SMARCAD1: variants seen among roughly 807,000 people sequenced by gnomAD.
The protein encoded by SMARCAD1 is SWI/SNF-related matrix-associated actin-dependent regulator of chromatin subfamily A containing DEAD/H box 1.
In SMARCAD1, 25 loss-of-function variants were observed where a neutral mutation model predicts 127.1. That is an observed-to-expected ratio of 0.20 (90% CI 0.14 to 0.27). The LOEUF (loss-of-function observed/expected upper bound fraction) is 0.27, where lower values mean the gene tolerates loss of function less well. Among genes scored for constraint, SMARCAD1 ranks in the 10% least tolerant of loss-of-function variants. The pLI is 1.00. For synonymous variants in SMARCAD1, 400 were observed against 396.9 expected, an observed-to-expected ratio of 1.01 and a Z score of -0.09; for missense variants, 807 against 1,206.0, an observed-to-expected ratio of 0.67 and a Z score of 4.90.
At chr4:94,260,763 C>T (rs1176811176) in intron 9 of SMARCAD1, among the ~76,000 whole-genome samples, 1 of 152,124 alleles carries the variant, frequency 6.6e-6, no homozygotes, top group Non-Finnish European at 1.5e-5. Context: ...TTATTCTTTC[C>T]TTTAATTTTC....
rs781325397 is a variant in SMARCAD1 at position 94,252,743 on chromosome 4, C to T, written c.1017C>T (p.Gly339=). The T allele has an allele frequency of 1.2e-5, 19 of 1,605,784 alleles. No homozygotes were observed. The highest frequency in any genetic ancestry group is 6.7e-5 in the East Asian group (3 of 44,772). Residue 339 remains glycine (G), a synonymous_variant, in exon 9 of 24, where the codon GGC becomes GGT. Transcript: ENST00000354268. ...AATTTTCAATGAAAGCACAAAATGG[C>T]TTTAACAAGAAACGTAAAAAAAATG... ...KQKFSMKAQN[G]FNKKRKKNVF...
chr4:94,217,621 T>C (rs1471687904), intron 2 of SMARCAD1, among the ~76,000 whole-genome samples: 2 of 152,174 alleles, frequency 1.3e-5, no homozygotes, highest in African/African-American at 4.8e-5. Flanking sequence ...ATTTCTTCTT[T>C]GGGGGAAATT....
chr4:94,286,216 T>G (rs1754917534), intron 23 of SMARCAD1, among the ~76,000 whole-genome samples: 2 of 152,104 alleles, frequency 1.3e-5, no homozygotes, highest in African/African-American at 4.8e-5. Flanking sequence ...GAGGGAGGTT[T>G]GTTCTCTTAT....
intron 6 of SMARCAD1, among the ~76,000 whole-genome samples, chr4:94,248,801 A>T (rs1185210041): frequency 1.3e-5 from 2 of 152,154 alleles, no homozygotes; most frequent in African/African-American, 4.8e-5. Flanking sequence ...TGTGCAGAGG[A>T]GGTATCAGAA....
intron 4 of SMARCAD1, 43 bp downstream of exon 4, chr4:94,234,165 T>A: frequency 3.3e-6 from 5 of 1,526,204 alleles, no homozygotes; most frequent in Non-Finnish European, 4.5e-6. Flanking sequence ...TGATAAAATC[T>A]CTCCTGCATT....
chr4:94,230,786 G>T (rs1028786533), intron 3 of SMARCAD1, among the ~76,000 whole-genome samples: 2 of 152,148 alleles, frequency 1.3e-5, no homozygotes, highest in Non-Finnish European at 2.9e-5. Context: ...AGAAAGAACT[G>T]AAGGCAGAAT....
Position 94,278,732 on chromosome 4 carries a change from G to A in SMARCAD1, c.2295G>A (p.Leu765=). The A allele has an allele frequency of 1.2e-6, 2 of 1,612,998 alleles. No individual in the cohort carries two copies. The highest frequency in any genetic ancestry group is 8.5e-7 in the Non-Finnish European group (1 of 1,179,134). ...FNRLKKSINN[L]EKNTEMCNVM... ...GATTGAAAAAATCTATCAATAACTT[G>A]GGTATAATCTGATTTTTACTCTTTT... is the stretch of plus-strand genomic sequence containing the variant. Residue 765 remains leucine (L), a splice_region_variant and synonymous_variant, in exon 18 of 24, where the codon TTG becomes TTA. Coordinates refer to ENST00000354268, the MANE Select transcript of SMARCAD1 (RefSeq NM_020159.5).
At chr4:94,251,321 G>C (rs1005672965) in intron 8 of SMARCAD1, among the ~76,000 whole-genome samples, 20 of 152,182 alleles carry the variant, frequency 1.3e-4, no homozygotes, top group Non-Finnish European at 7.3e-5. Context: ...AGGTGGTAAG[G>C]AAGAGTTGAG....
At chr4:94,266,604 G>A (rs1013623107) in intron 10 of SMARCAD1, among the ~76,000 whole-genome samples, 1 of 151,954 alleles carries the variant, frequency 6.6e-6, no homozygotes, top group African/African-American at 2.4e-5. Flanking sequence ...TTTTTACTTG[G>A]TGTACTGGCC....
chr4:94,274,652 A>G, intron 12 of SMARCAD1, 86 bp from the exon 13 acceptor site: 1 of 1,228,688 alleles, frequency 8.1e-7, no homozygotes, highest in South Asian at 1.2e-5. Flanking sequence ...ATTTCTGAGT[A>G]GCACTTGTCA....
chr4:94,208,099 C>T, intron 1 of SMARCAD1, 29 bp downstream of exon 1: 1 of 540,912 alleles, frequency 1.8e-6, no homozygotes, highest in East Asian at 4.6e-5. Context: ...AGGGTCAGCT[C>T]GTGGTTTCAG....
chr4:94,249,869 T>G (rs1749017130), intron 7 of SMARCAD1, 114 bp downstream of exon 7: 1 of 683,300 alleles, frequency 1.5e-6, no homozygotes, highest in Non-Finnish European at 2.7e-6. Context: ...TTCTTCTAAT[T>G]AAATGTTCTC....
chr4:94,236,544 CCT>C (rs750942735), intron 4 of SMARCAD1, among the ~76,000 whole-genome samples: 2 of 152,140 alleles, frequency 1.3e-5, no homozygotes, highest in Non-Finnish European at 2.9e-5. Context: ...CTGTCAGTCT[CCT>C]CTTTCCCCTT....
chr4:94,208,174 T>C, intron 1 of SMARCAD1, 104 bp downstream of exon 1: 1 of 689,808 alleles, frequency 1.4e-6, no homozygotes, highest in Admixed American at 2.0e-5. Flanking sequence ...TTTTAAAAGA[T>C]ACCCCCGTCC....
chr4:94,237,126 T>TA, intron 5 of SMARCAD1, 108 bp downstream of exon 5: 1 of 941,856 alleles, frequency 1.1e-6, no homozygotes, highest in Non-Finnish European at 1.7e-6. Flanking sequence ...TATGAATTCT[T>TA]ACAGGAATTT....
chr4:94,270,386 C>G (rs568481633), intron 10 of SMARCAD1, among the ~76,000 whole-genome samples: 22 of 152,110 alleles, frequency 1.4e-4, no homozygotes, highest in African/African-American at 5.3e-4. Flanking sequence ...ATCAAATCAA[C>G]ACAATTCAAT....
At chr4:94,236,825 C>G (rs1489834730) in intron 4 of SMARCAD1, 127 bp from the exon 5 acceptor site, 1 of 777,478 alleles carries the variant, frequency 1.3e-6, no homozygotes, top group East Asian at 2.7e-5. Context: ...ACTTAATGAA[C>G]TTAAACTATG....
intron 4 of SMARCAD1, among the ~76,000 whole-genome samples, chr4:94,234,417 A>C (rs912991079): frequency 6.6e-6 from 1 of 152,146 alleles, no homozygotes; most frequent in Non-Finnish European, 1.5e-5. Context: ...CATTTCCATT[A>C]GAAATACTCA....
At chr4:94,255,855 T>C (rs1750000254) in intron 9 of SMARCAD1, among the ~76,000 whole-genome samples, 1 of 152,128 alleles carries the variant, frequency 6.6e-6, no homozygotes, top group African/African-American at 2.4e-5. Context: ...TTTTTCCATT[T>C]TACTTACAGT....
Sources: gnomAD v4.1 joint callset for allele counts (sites outside exome capture counted in the v4.1 genomes callset) on GRCh38, gnomAD v4.1.1 for gene constraint, MANE v1.5 for transcripts, NCBI Gene and HGNC (gene_info 2026-07-23, HGNC 2026-07-21) for gene names.